NMNAT2: variants seen among roughly 807,000 people sequenced by gnomAD.
NMNAT2 encodes the protein nicotinamide nucleotide adenylyltransferase 2.
A neutral mutation model predicts 41.6 loss-of-function variants in NMNAT2; 11 were observed. The observed-to-expected ratio is 0.26, with a 90% CI of 0.17 to 0.44. The LOEUF (loss-of-function observed/expected upper bound fraction) is 0.44, where lower values mean the gene tolerates loss of function less well. Ranked by LOEUF, NMNAT2 falls within the 20% of genes least tolerant of loss-of-function variation. The pLI is 1.00. For missense variants in NMNAT2, 288 were observed against 407.7 expected, an observed-to-expected ratio of 0.71 and a Z score of 2.53; for synonymous variants, 148 against 151.2, an observed-to-expected ratio of 0.98 and a Z score of 0.16.
At chr1:183,297,842 A>G (rs1337502543) in intron 1 of NMNAT2, among the ~76,000 whole-genome samples, 1 of 152,240 alleles carries the variant, frequency 6.6e-6, no homozygotes, top group African/African-American at 2.4e-5. Flanking sequence ...AGCTATATAT[A>G]GAAAGAATTA....
chr1:183,278,603 T>TACC lies in NMNAT2; in HGVS notation c.598_600dup (p.Gly200dup), dbSNP rs1331793793. On this transcript the variant is annotated inframe_insertion, in exon 8 of 11. Transcript: ENST00000287713. ...ATGCAGAAGGACTCCAGCAGGTCACTACCACACAGCAGCAGGATCCGTAGC... is the reference window on the plus strand; with the variant it reads ...ATGCAGAAGGACTCCAGCAGGTCACTACCACCACACAGCAGCAGGATCCGTAGC... The TACC allele has an allele frequency of 6.2e-7, 1 of 1,613,906 alleles. No individual in the cohort carries two copies. The highest frequency in any genetic ancestry group is 8.5e-7 in the Non-Finnish European group (1 of 1,179,798).
Position 183,260,436 on chromosome 1 carries a change from C to A in NMNAT2, c.821+566G>T, listed in dbSNP as rs572829794. On this transcript the variant is annotated intron_variant, in intron 10 of 10. Transcript: ENST00000287713. Reference sequence around the variant, plus strand: ...CTTGTCAAATATTATTCCATAAGTACCTCCAACTAGAGTCCACAACTGAAA... The same window carrying A: ...CTTGTCAAATATTATTCCATAAGTAACTCCAACTAGAGTCCACAACTGAAA... Among the ~76,000 whole-genome samples, 303 of 151,204 alleles carry A rather than the reference C, an allele frequency of 2.0e-3. 3 individuals are homozygous for A. The highest frequency in any genetic ancestry group is 6.8e-3 in the African/African-American group (280 of 41,146).
At chr1:183,335,853 C>T (rs1455519364) in intron 1 of NMNAT2, among the ~76,000 whole-genome samples, 4 of 152,176 alleles carry the variant, frequency 2.6e-5, no homozygotes, top group South Asian at 4.1e-4. Context: ...TACAGGCACC[C>T]ATCAATGTTT....
intron 1 of NMNAT2, among the ~76,000 whole-genome samples, chr1:183,323,018 G>A (rs749973852): frequency 3.9e-5 from 6 of 152,034 alleles, no homozygotes; most frequent in Admixed American, 6.6e-5. Context: ...TGCAACCTCC[G>A]CCTCCCAGGT....
chr1:183,270,817 C>T (rs1212981144), intron 8 of NMNAT2, among the ~76,000 whole-genome samples: 1 of 152,182 alleles, frequency 6.6e-6, no homozygotes, highest in Non-Finnish European at 1.5e-5. Context: ...CATCAGGCTT[C>T]CTGGCTGGAG....
chr1:183,252,878 G>A (rs503243), intron 10 of NMNAT2, 135 bp from the exon 11 acceptor site: 147,241 of 630,398 alleles, frequency 0.23, 21,284 homozygotes, highest in African/African-American at 0.48. Context: ...TATTAGGAAA[G>A]GCCCTCTTGC....
At chr1:183,405,304 A>G (rs1236754012) in intron 1 of NMNAT2, among the ~76,000 whole-genome samples, 4 of 152,182 alleles carry the variant, frequency 2.6e-5, no homozygotes, top group African/African-American at 9.6e-5. Context: ...AAGGATTGGG[A>G]AGTGGGTAGG....
chr1:183,400,821 C>T (rs1437411239), intron 1 of NMNAT2, among the ~76,000 whole-genome samples: 1 of 152,132 alleles, frequency 6.6e-6, no homozygotes, highest in African/African-American at 2.4e-5. Context: ...GGAAAGGATT[C>T]CCTATTTAAT....
intron 1 of NMNAT2, among the ~76,000 whole-genome samples, chr1:183,299,437 A>G (rs1343436612): frequency 1.3e-5 from 2 of 152,220 alleles, no homozygotes; most frequent in Non-Finnish European, 2.9e-5. Flanking sequence ...ATTTGGATGG[A>G]TCTTTAGTTC....
intron 1 of NMNAT2, among the ~76,000 whole-genome samples, chr1:183,328,668 G>C (rs1662517827): frequency 6.6e-6 from 1 of 152,204 alleles, no homozygotes; most frequent in Non-Finnish European, 1.5e-5. Flanking sequence ...TCAACACCTA[G>C]TGCCATGGGA....
At chr1:183,344,618 C>T (rs1349044623) in intron 1 of NMNAT2, among the ~76,000 whole-genome samples, 1 of 152,158 alleles carries the variant, frequency 6.6e-6, no homozygotes, top group Non-Finnish European at 1.5e-5. Flanking sequence ...AGCCTCGGCA[C>T]TACTGACATT....
At chr1:183,267,890 C>T (rs1660860553) in intron 8 of NMNAT2, among the ~76,000 whole-genome samples, 1 of 152,132 alleles carries the variant, frequency 6.6e-6, no homozygotes, top group South Asian at 2.1e-4. Context: ...TGGGCAGGAT[C>T]AGGACACAAT....
chr1:183,380,905 G>C (rs1176717606), intron 1 of NMNAT2, among the ~76,000 whole-genome samples: 3 of 152,218 alleles, frequency 2.0e-5, no homozygotes, highest in Non-Finnish European at 4.4e-5. Context: ...TTGGGAGCCA[G>C]AGGAGGTTTT....
intron 1 of NMNAT2, among the ~76,000 whole-genome samples, chr1:183,358,603 A>G (rs1663245602): frequency 6.6e-6 from 1 of 152,090 alleles, no homozygotes; most frequent in Non-Finnish European, 1.5e-5. Context: ...GAGAAGGGAG[A>G]GCTGGAGAGT....
intron 8 of NMNAT2, among the ~76,000 whole-genome samples, chr1:183,270,531 GA>G (rs200256017): frequency 2.8e-4 from 40 of 144,644 alleles, no homozygotes; most frequent in African/African-American, 3.1e-4. Flanking sequence ...CCCTCTTAAT[GA>G]AAAAAAAAAA....
At position 183,378,168 on chromosome 1, in the gene NMNAT2, G is replaced by A. The variant is rs539199725; in HGVS notation, c.85+40015C>T. 2.0e-5 allele frequency among the ~76,000 whole-genome samples: 3 copies of A among 152,186 alleles called. No homozygotes were observed. The East Asian group carries it at 5.8e-4, about 29-fold the overall frequency. ...GCACTTTGGGAGGCCAAGGTGTGCA[G>A]GTCACCTGAGGTCAGAAGTTTGAAA... On this transcript the variant is annotated intron_variant, in intron 1 of 10. Transcript: ENST00000287713.
At chr1:183,398,574 A>G (rs1442171761) in intron 1 of NMNAT2, among the ~76,000 whole-genome samples, 2 of 152,228 alleles carry the variant, frequency 1.3e-5, no homozygotes, top group South Asian at 2.1e-4. Flanking sequence ...ATAGACATCT[A>G]CAGAACTCTC....
At chr1:183,361,259 T>A (rs1236698678) in intron 1 of NMNAT2, among the ~76,000 whole-genome samples, 1 of 152,110 alleles carries the variant, frequency 6.6e-6, no homozygotes, top group South Asian at 2.1e-4. Context: ...GGGACCCTTA[T>A]CCTCCCCATC....
intron 7 of NMNAT2, among the ~76,000 whole-genome samples, chr1:183,279,586 C>T (rs1436190070): frequency 2.0e-5 from 3 of 152,190 alleles, no homozygotes; most frequent in Non-Finnish European, 2.9e-5. Flanking sequence ...AGAGAAGCTG[C>T]GGGCAGCCCT....
Sources: gnomAD v4.1 joint callset for allele counts (sites outside exome capture counted in the v4.1 genomes callset) on GRCh38, gnomAD v4.1.1 for gene constraint, MANE v1.5 for transcripts, NCBI Gene and HGNC (gene_info 2026-07-23, HGNC 2026-07-21) for gene names.